Variants in RAF1 observed in about 807,000 individuals in gnomAD.
RAF1 encodes the protein RAF proto-oncogene serine/threonine-protein kinase.
In RAF1, 27 loss-of-function variants were observed where a neutral mutation model predicts 81.1. The ratio of observed to expected loss-of-function variants is 0.33; its 90% CI spans 0.25 to 0.46. RAF1 has a LOEUF of 0.46. Ranked by LOEUF, RAF1 falls within the 20% of genes least tolerant of loss-of-function variation. The probability of loss-of-function intolerance (pLI) is 1.00; values close to 1 mark genes in which losing one functional copy is unlikely to be tolerated. For missense variants in RAF1, 598 were observed against 826.0 expected (o/e 0.72, Z 3.38); for synonymous variants, 298 against 294.0 (o/e 1.01, Z -0.14).
chr3:12,608,967 G>C (rs777309047), intron 4 of RAF1, 44 bp from the exon 5 acceptor site: 1 of 1,609,550 alleles, frequency 6.2e-7, no homozygotes, highest in Admixed American at 1.7e-5. Flanking sequence ...ATAAATAAAA[G>C]ATGACAAAAG....
intron 2 of RAF1, among the ~76,000 whole-genome samples, chr3:12,614,993 A>G (rs1331786896): frequency 6.6e-6 from 1 of 152,236 alleles, no homozygotes; most frequent in East Asian, 1.9e-4. Flanking sequence ...TGCAAGCTGG[A>G]CAGTTCTTTA....
chr3:12,640,519 CAAG>C (rs2125529536), intron 1 of RAF1, among the ~76,000 whole-genome samples: 1 of 152,176 alleles, frequency 6.6e-6, no homozygotes, highest in African/African-American at 2.4e-5. Context: ...AACAAATTTA[CAAG>C]AAAAAAATCA....
Position 12,592,097 on chromosome 3 carries a change from T to C in RAF1, c.1169-305A>G, listed in dbSNP as rs5746232. The C allele has an allele frequency of 1.7e-3, 730 of 419,298 alleles. 10 individuals carry two copies. Among genetic ancestry groups the C allele is most frequent in the South Asian group, 0.015 (697 of 47,234 alleles). The allele number at this position is 419,298 out of a possible 1,614,324, so 26.0% of individuals were successfully genotyped here. ...ATTCAAATGACTCAAAAAAGTTACA[T>C]AGGTTAACTGCTATCGCTACAGTTA... On this transcript the variant is annotated intron_variant, in intron 11 of 17. Coordinates refer to ENST00000442415, the MANE Select transcript of RAF1 (RefSeq NM_001354689.3).
intron 1 of RAF1, among the ~76,000 whole-genome samples, chr3:12,642,717 C>A (rs944732182): frequency 6.8e-6 from 1 of 146,388 alleles, no homozygotes; most frequent in African/African-American, 2.6e-5. Context: ...CACACACACA[C>A]ACAAAATAGC....
chr3:12,647,526 C>G (rs888488809), intron 1 of RAF1, among the ~76,000 whole-genome samples: 1 of 150,768 alleles, frequency 6.6e-6, no homozygotes, highest in African/African-American at 2.4e-5. Flanking sequence ...CCAGGGAGGT[C>G]CAGGTTGCAG....
At chr3:12,585,413 A>G in intron 15 of RAF1, 160 bp from the exon 15 acceptor site, 1 of 985,412 alleles carries the variant, frequency 1.0e-6, no homozygotes, top group Non-Finnish European at 1.2e-6. Context: ...GGCACTGGTT[A>G]AAACAGCTCA....
rs1196769159 is a variant in RAF1, at chr3:12,584,368, G to GT, written c.*145dup. 6.9e-6 allele frequency: 7 copies of GT among 1,009,476 alleles called. No individual in the cohort carries two copies. Among genetic ancestry groups the GT allele is most frequent in the Non-Finnish European group, 1.0e-5 (7 of 673,394 alleles). 62.5% of individuals were successfully genotyped at this position (1,009,476 alleles called of 1,614,324 possible). On this transcript the variant is annotated 3_prime_UTR_variant, in exon 18 of 18. Transcript: ENST00000442415. ...GGGATAGAAAAGAAGGCAACATGAAGTTAAGGCCCTGTGAGCAGTCTAGAA... is the reference window on the plus strand; with the variant it reads ...GGGATAGAAAAGAAGGCAACATGAAGTTTAAGGCCCTGTGAGCAGTCTAGAA...
At chr3:12,628,383 C>T (rs1370589659) in intron 1 of RAF1, among the ~76,000 whole-genome samples, 1 of 152,048 alleles carries the variant, frequency 6.6e-6, no homozygotes, top group Admixed American at 6.6e-5. Context: ...AAAAACTAGC[C>T]GGGTGTGGTG....
At chr3:12,616,110 T>A (rs1452700638) in intron 2 of RAF1, among the ~76,000 whole-genome samples, 1 of 152,138 alleles carries the variant, frequency 6.6e-6, no homozygotes, top group Non-Finnish European at 1.5e-5. Flanking sequence ...AATCAGCCAC[T>A]GTGCTAAGTA....
intron 1 of RAF1, among the ~76,000 whole-genome samples, chr3:12,647,613 CAAAACAAAT>C (rs745628663): frequency 4.0e-5 from 6 of 149,318 alleles, no homozygotes; most frequent in Non-Finnish European, 7.4e-5. Context: ...AACAAACAAA[CAAAACAAAT>C]AAATAAATTT....
chr3:12,649,356 G>T (rs6766666), intron 1 of RAF1, among the ~76,000 whole-genome samples: 31,679 of 152,102 alleles, frequency 0.21, 3,579 homozygotes, highest in African/African-American at 0.29. Flanking sequence ...TCAGTAATTT[G>T]GGAAATCAAA....
intron 1 of RAF1, among the ~76,000 whole-genome samples, chr3:12,648,952 T>C (rs2060437560): frequency 6.6e-6 from 1 of 151,998 alleles, no homozygotes; most frequent in African/African-American, 2.4e-5. Flanking sequence ...CAGTCTCTAC[T>C]AAAAATACAA....
chr3:12,599,600 A>C, intron 11 of RAF1, 91 bp downstream of exon 10: 1 of 895,536 alleles, frequency 1.1e-6, no homozygotes, highest in Non-Finnish European at 1.9e-6. Context: ...GCCCAGGAGC[A>C]CTCAGTCCTC....
At chr3:12,615,491 A>T (rs1366743742) in intron 2 of RAF1, among the ~76,000 whole-genome samples, 1 of 152,160 alleles carries the variant, frequency 6.6e-6, no homozygotes, top group African/African-American at 2.4e-5. Flanking sequence ...AAGTAAAGCA[A>T]CCTGGGGAGG....
intron 1 of RAF1, among the ~76,000 whole-genome samples, chr3:12,620,204 C>T (rs539694018): frequency 6.6e-6 from 1 of 151,850 alleles, no homozygotes; most frequent in African/African-American, 2.4e-5. Flanking sequence ...TGTAGTGGCG[C>T]GATCTTGGCT....
chr3:12,641,494 T>TG, intron 1 of RAF1, among the ~76,000 whole-genome samples: 1 of 149,492 alleles, frequency 6.7e-6, no homozygotes, highest in East Asian at 2.0e-4. Flanking sequence ...TTTTTGGTTT[T>TG]TTTTTTTTTT....
chr3:12,641,490 G>GTTTTTTTTTTTTTTTTTTTTT, intron 1 of RAF1, among the ~76,000 whole-genome samples: 1 of 134,614 alleles, frequency 7.4e-6, no homozygotes, highest in South Asian at 2.4e-4. Context: ...ATGTTTTTTG[G>GTTTTTTTTTTTTTTTTTTTTT]TTTTTTTTTT....
chr3:12,584,800 C>A (rs372648929), intron 17 of RAF1, 47 bp downstream of exon 16: 25 of 1,613,786 alleles, frequency 1.5e-5, no homozygotes, highest in Non-Finnish European at 1.9e-5. Flanking sequence ...GCCATCTTTA[C>A]GAACCAACCC....
At position 12,639,108 on chromosome 3, in the gene RAF1, C is replaced by T. The variant is rs1234971886; in HGVS notation, c.-26-20361G>A. On this transcript the variant is annotated intron_variant, in intron 1 of 17. Coordinates refer to ENST00000442415, the MANE Select transcript of RAF1 (RefSeq NM_001354689.3). ...TACATAATCCATCATATAAACAGAA[C>T]CAAAATCAAAACTACGTGATTATCT... 4.6e-5 allele frequency among the ~76,000 whole-genome samples: 7 copies of T among 152,040 alleles called. No homozygotes were observed. In the East Asian group the frequency reaches 1.2e-3, roughly 26 times the overall value.
Sources: allele counts gnomAD v4.1 joint callset (sites outside exome capture counted in the v4.1 genomes callset), GRCh38; gene constraint gnomAD v4.1.1; transcripts MANE v1.5; gene names NCBI Gene and HGNC (gene_info 2026-07-23, HGNC 2026-07-21).